The following PDE4D variants were observed in gnomAD, a reference collection of about 807,000 sequenced individuals.
PDE4D encodes 3',5'-cyclic-AMP phosphodiesterase 4D.
A neutral mutation model predicts 87.4 loss-of-function variants in PDE4D; 24 were observed. That is an observed-to-expected ratio of 0.27 (90% CI 0.20 to 0.39). The LOEUF is 0.39. PDE4D is among the 10% of genes least tolerant of loss of function. PDE4D has a pLI of 1.00. For missense variants in PDE4D, 714 were observed against 1,041.0 expected, an observed-to-expected ratio of 0.69 and a Z score of 4.32; for synonymous variants, 384 against 383.2, an observed-to-expected ratio of 1.00 and a Z score of -0.02.
chr5:60,251,096 G>A (rs1748390299), intron 1 of PDE4D, among the ~76,000 whole-genome samples: 1 of 151,954 alleles, frequency 6.6e-6, no homozygotes, highest in South Asian at 2.1e-4. Flanking sequence ...AAAGGAAAGA[G>A]AAAGGAAATA....
intron 1 of PDE4D, among the ~76,000 whole-genome samples, chr5:59,266,279 A>C (rs1255456245): frequency 6.6e-6 from 1 of 151,512 alleles, no homozygotes; most frequent in Non-Finnish European, 1.5e-5. Context: ...AAATATATAT[A>C]TATATATATA....
chr5:59,542,600 G>A (rs1816547981), intron 1 of PDE4D, among the ~76,000 whole-genome samples: 1 of 152,068 alleles, frequency 6.6e-6, no homozygotes, highest in South Asian at 2.1e-4. Flanking sequence ...ATTACAAAAT[G>A]CACTCATCAA....
intron 2 of PDE4D, among the ~76,000 whole-genome samples, chr5:60,132,681 T>C (rs1340591429): frequency 6.6e-6 from 1 of 152,088 alleles, no homozygotes; most frequent in East Asian, 1.9e-4. Flanking sequence ...ATAATATAAA[T>C]ATTATCAAAG....
At position 60,301,252 on chromosome 5, in the gene PDE4D, A is replaced by G. The variant is rs377710978; in HGVS notation, c.-89-115565T>C. Reference sequence around the variant, plus strand: ...ATAGTTTCTTCTAATTCTGTGAAGAATGTCAATGGTAATTTAATGGGAATA... The same window carrying G: ...ATAGTTTCTTCTAATTCTGTGAAGAGTGTCAATGGTAATTTAATGGGAATA... On this transcript the variant is annotated intron_variant, in intron 1 of 16. Coordinates refer to the PDE4D transcript ENST00000502484. 9.6e-4 allele frequency among the ~76,000 whole-genome samples: 147 copies of G among 152,338 alleles called. 1 individual carries two copies. The highest frequency in any genetic ancestry group is 3.4e-3 in the African/African-American group (143 of 41,572).
intron 2 of PDE4D, among the ~76,000 whole-genome samples, chr5:60,036,445 A>T (rs1767807411): frequency 6.6e-6 from 1 of 152,234 alleles, no homozygotes; most frequent in East Asian, 1.9e-4. Context: ...ACAATAACTC[A>T]AACAGGATGA....
intron 1 of PDE4D, among the ~76,000 whole-genome samples, chr5:59,771,727 G>A (rs1232410465): frequency 6.6e-6 from 1 of 152,164 alleles, no homozygotes; most frequent in South Asian, 2.1e-4. Context: ...TGGGCACTTT[G>A]TTAATGATCA....
intron 2 of PDE4D, among the ~76,000 whole-genome samples, chr5:59,992,168 A>G (rs1763075324): frequency 6.6e-6 from 1 of 152,186 alleles, no homozygotes; most frequent in Non-Finnish European, 1.5e-5. Context: ...GTGGTTTTCC[A>G]GGGACTCTTG....
At chr5:59,175,715 T>C (rs940677208) in intron 5 of PDE4D, among the ~76,000 whole-genome samples, 2 of 150,748 alleles carry the variant, frequency 1.3e-5, no homozygotes, top group African/African-American at 4.9e-5. Flanking sequence ...CCTGACCTGG[T>C]GATCCACCCG....
chr5:59,453,020 T>A (rs533739461), intron 1 of PDE4D, among the ~76,000 whole-genome samples: 1 of 152,102 alleles, frequency 6.6e-6, no homozygotes, highest in East Asian at 1.9e-4. Flanking sequence ...ATGGGTACCA[T>A]TTTTCTAACA....
intron 1 of PDE4D, among the ~76,000 whole-genome samples, chr5:59,891,838 G>T (rs993276699): frequency 6.6e-6 from 1 of 151,730 alleles, no homozygotes; most frequent in South Asian, 2.1e-4. Context: ...ACACCATTAT[G>T]ATTTTCTGAT....
At chr5:59,859,661 T>C (rs576051851) in intron 1 of PDE4D, among the ~76,000 whole-genome samples, 2 of 152,292 alleles carry the variant, frequency 1.3e-5, no homozygotes, top group East Asian at 3.9e-4. Flanking sequence ...TGACTCCTTT[T>C]GTGAGTGTTA....
chr5:59,515,729 T>A lies in PDE4D; in HGVS notation c.456-299761A>T, dbSNP rs187791065. 1.4e-3 allele frequency among the ~76,000 whole-genome samples: 218 copies of A among 152,296 alleles called. 1 individual carries two copies. Among genetic ancestry groups the A allele is most frequent in the African/African-American group, 4.9e-3 (205 of 41,578 alleles). ...GTCTACAGTGGATGTGAATAAAAAA[T>A]GTATAAGATCTTCGTAACAAAATGT... is the stretch of plus-strand genomic sequence containing the variant. On this transcript the variant is annotated intron_variant, in intron 1 of 14. Transcript: ENST00000340635.
chr5:60,250,442 T>C (rs1748296448), intron 1 of PDE4D, among the ~76,000 whole-genome samples: 2 of 152,072 alleles, frequency 1.3e-5, no homozygotes, highest in Non-Finnish European at 1.5e-5. Context: ...CTAAGCCTTC[T>C]CTATCTGATA....
chr5:59,371,318 A>C (rs1014485043), intron 1 of PDE4D, among the ~76,000 whole-genome samples: 1 of 152,216 alleles, frequency 6.6e-6, no homozygotes, highest in African/African-American at 2.4e-5. Context: ...GAAATAATAA[A>C]AGCAGAATTA....
chr5:59,728,619 T>A (rs1458435786), intron 1 of PDE4D, among the ~76,000 whole-genome samples: 1 of 152,076 alleles, frequency 6.6e-6, no homozygotes, highest in Non-Finnish European at 1.5e-5. Flanking sequence ...CTGTCTTACA[T>A]AAACAATTAT....
intron 2 of PDE4D, among the ~76,000 whole-genome samples, chr5:60,185,233 C>T (rs1417371621): frequency 6.6e-6 from 1 of 152,062 alleles, no homozygotes; most frequent in African/African-American, 2.4e-5. Context: ...ATATTCAAGA[C>T]ATAAATTCCC....
intron 1 of PDE4D, among the ~76,000 whole-genome samples, chr5:60,364,617 C>A (rs897194152): frequency 6.6e-6 from 1 of 151,774 alleles, no homozygotes; most frequent in Non-Finnish European, 1.5e-5. Context: ...TTTTCTCAAG[C>A]AAAAAAATAA....
chr5:60,095,868 T>A (rs1486073678), intron 2 of PDE4D, among the ~76,000 whole-genome samples: 1 of 152,160 alleles, frequency 6.6e-6, no homozygotes, highest in African/African-American at 2.4e-5. Flanking sequence ...TTTTATATAT[T>A]TTTTGGCCAC....
chr5:59,931,765 A>G (rs139875179), intron 3 of PDE4D, among the ~76,000 whole-genome samples: 5,380 of 143,270 alleles, frequency 0.038, 306 homozygotes, highest in African/African-American at 0.13. Flanking sequence ...GCAGTGGTGC[A>G]ATCTCAGCTC....
Sources: gnomAD v4.1 joint callset for allele counts (sites outside exome capture counted in the v4.1 genomes callset) on GRCh38, gnomAD v4.1.1 for gene constraint, MANE v1.5 for transcripts, NCBI Gene and HGNC (gene_info 2026-07-23, HGNC 2026-07-21) for gene names.